Variants in PRKN observed in about 807,000 individuals in gnomAD.
PRKN encodes parkin RBR E3 ubiquitin protein ligase.
In PRKN, 56 loss-of-function variants were observed where a neutral mutation model predicts 59.5. The observed-to-expected ratio is 0.94, with a 90% CI of 0.76 to 1.18. The LOEUF (loss-of-function observed/expected upper bound fraction) is 1.18, where lower values mean the gene tolerates loss of function less well. Ranked by LOEUF, PRKN falls within the 50% of genes most tolerant of loss-of-function variation. PRKN has a pLI of 0.00. For missense variants in PRKN, 657 were observed against 596.4 expected (o/e 1.10, Z -1.06); for synonymous variants, 250 against 222.1 (o/e 1.13, Z -1.12).
At chr6:161,481,617 C>T (rs1218201792) in intron 9 of PRKN, among the ~76,000 whole-genome samples, 1 of 151,596 alleles carries the variant, frequency 6.6e-6, no homozygotes, top group Non-Finnish European at 1.5e-5. Context: ...AACAAAAAAA[C>T]AAAACAAACA....
intron 3 of PRKN, among the ~76,000 whole-genome samples, chr6:162,210,471 G>T (rs1354789449): frequency 2.6e-5 from 4 of 152,070 alleles, no homozygotes; most frequent in African/African-American, 9.7e-5. Context: ...TACTTCCTCA[G>T]GTGGCTACTT....
At chr6:161,625,159 A>G (rs1783039270) in intron 7 of PRKN, among the ~76,000 whole-genome samples, 1 of 152,236 alleles carries the variant, frequency 6.6e-6, no homozygotes, top group African/African-American at 2.4e-5. Context: ...ACTTGGAGAC[A>G]ACCCAAATGT....
In PRKN at chr6:161,361,733, T is replaced by C. The variant is rs1582969584; in HGVS notation, c.1168-1528A>G. On this transcript the variant is annotated intron_variant, in intron 10 of 11. Coordinates refer to ENST00000366898, the MANE Select transcript of PRKN (RefSeq NM_004562.3). The surrounding 1 kb of genome is among the most constrained non-coding windows in gnomAD (Gnocchi z 5.2). ...CCTTGAGAACTGCCAGGGTGTCACG[T>C]GATTTGTGAATACTTTGCTAGAATA... Among the ~76,000 whole-genome samples the C allele has an allele frequency of 6.6e-6, 1 of 152,202 alleles. No homozygotes were observed. Among genetic ancestry groups the C allele is most frequent in the East Asian group, 1.9e-4 (1 of 5,194 alleles).
chr6:162,285,778 A>T (rs1781161487), intron 2 of PRKN, among the ~76,000 whole-genome samples: 1 of 152,134 alleles, frequency 6.6e-6, no homozygotes, highest in African/African-American at 2.4e-5. Context: ...GGCTACACTG[A>T]TTCCTTTTAT....
intron 4 of PRKN, among the ~76,000 whole-genome samples, chr6:162,076,132 C>A (rs143412835): frequency 1.8e-3 from 272 of 152,072 alleles, no homozygotes; most frequent in Non-Finnish European, 2.6e-3. Flanking sequence ...CCACACCCAG[C>A]TAATTTTTGT....
chr6:162,650,821 C>A (rs1778400442), intron 1 of PRKN, among the ~76,000 whole-genome samples: 1 of 152,118 alleles, frequency 6.6e-6, no homozygotes, highest in South Asian at 2.1e-4. Context: ...AGGGAACTCA[C>A]AGTGAAGATG....
chr6:162,658,758 A>AAGTT (rs1305375572), intron 1 of PRKN, among the ~76,000 whole-genome samples: 1 of 152,046 alleles, frequency 6.6e-6, no homozygotes, highest in Non-Finnish European at 1.5e-5. Flanking sequence ...TAAATCATCT[A>AAGTT]CACATCCCAT....
At chr6:162,623,965 T>C (rs1197738737) in intron 1 of PRKN, among the ~76,000 whole-genome samples, 5 of 152,056 alleles carry the variant, frequency 3.3e-5, no homozygotes, top group African/African-American at 4.8e-5. Context: ...AAAACTGAAA[T>C]CTGCCAGGCA....
chr6:161,445,458 C>A lies in PRKN; in HGVS notation c.1084-58581G>T, dbSNP rs544056500. The stretch of plus-strand genomic sequence containing the variant: ...CCCTCCCCTTTCTCCTACACATGGA[C>A]ACCTCTGAGTGGAATAAGGGAAGAC... On this transcript the variant is annotated intron_variant, in intron 9 of 11. Coordinates refer to ENST00000366898, the MANE Select transcript of PRKN (RefSeq NM_004562.3). This position sits in a 1 kb window ranked among gnomAD's most constrained non-coding sequence, Gnocchi z 7.7. Among the ~76,000 whole-genome samples the A allele has an allele frequency of 4.5e-4, 68 of 152,296 alleles. No homozygotes were observed. The highest frequency in any genetic ancestry group is 1.6e-3 in the African/African-American group (66 of 41,568).
At chr6:161,965,924 A>T (rs1384970572) in intron 6 of PRKN, among the ~76,000 whole-genome samples, 1 of 152,040 alleles carries the variant, frequency 6.6e-6, no homozygotes, top group South Asian at 2.1e-4. Context: ...TCCTATTCAG[A>T]TCTTTAAAAA....
intron 1 of PRKN, among the ~76,000 whole-genome samples, chr6:162,528,482 T>A (rs1053083250): frequency 6.6e-6 from 1 of 151,662 alleles, no homozygotes; most frequent in Non-Finnish European, 1.5e-5. Flanking sequence ...AGCCAAGATA[T>A]AAATTACTTA....
chr6:161,477,112 T>G (rs1791122782), intron 9 of PRKN, among the ~76,000 whole-genome samples: 1 of 152,262 alleles, frequency 6.6e-6, no homozygotes, highest in Non-Finnish European at 1.5e-5. Flanking sequence ...ATGCTGTTCC[T>G]GTGTAGTTTC....
chr6:162,052,814 A>T (rs1013820680), intron 5 of PRKN, among the ~76,000 whole-genome samples: 14 of 152,074 alleles, frequency 9.2e-5, no homozygotes, highest in African/African-American at 3.4e-4. Flanking sequence ...GTTTGTACTT[A>T]CAAGTTTATA....
rs553402444 is a variant in PRKN, at chr6:161,401,398, G to A, written c.1084-14521C>T. 6.6e-6 allele frequency among the ~76,000 whole-genome samples: 1 copy of A among 152,224 alleles called. No individual in the cohort carries two copies. The highest frequency in any genetic ancestry group is 1.9e-4 in the East Asian group (1 of 5,162). On this transcript the variant is annotated intron_variant, in intron 9 of 11. Transcript: ENST00000366898. This position sits in a 1 kb window ranked among gnomAD's most constrained non-coding sequence, Gnocchi z 4.4. Reference sequence around the variant, plus strand: ...AGCCAAGGTGGGCAGATCACCTGAGGTTAGGAGTTTGAGACCAGCCTGGCC... The same window carrying A: ...AGCCAAGGTGGGCAGATCACCTGAGATTAGGAGTTTGAGACCAGCCTGGCC...
intron 1 of PRKN, among the ~76,000 whole-genome samples, chr6:162,638,192 CAAT>C (rs1363762910): frequency 6.6e-6 from 1 of 150,784 alleles, no homozygotes; most frequent in Middle Eastern, 3.4e-3. Context: ...AACTGTAAGA[CAAT>C]AATATTATCC....
chr6:162,003,017 T>C (rs112216811), intron 5 of PRKN, among the ~76,000 whole-genome samples: 3,167 of 152,140 alleles, frequency 0.021, 118 homozygotes, highest in African/African-American at 0.073. Context: ...TAAAGGTGGC[T>C]GTTTTATGGC....
At chr6:162,480,468 T>C (rs1284980075) in intron 1 of PRKN, among the ~76,000 whole-genome samples, 1 of 151,838 alleles carries the variant, frequency 6.6e-6, no homozygotes, top group Non-Finnish European at 1.5e-5. Context: ...AGAAACTATT[T>C]CTGAAGGAGA....
intron 4 of PRKN, among the ~76,000 whole-genome samples, chr6:162,090,625 G>A (rs142841527): frequency 1.8e-4 from 28 of 152,118 alleles, no homozygotes; most frequent in African/African-American, 6.0e-4. Context: ...GCTACACAAC[G>A]ACATCAAATA....
At chr6:161,450,835 G>T (rs111227477) in intron 9 of PRKN, among the ~76,000 whole-genome samples, 3 of 152,138 alleles carry the variant, frequency 2.0e-5, no homozygotes, top group African/African-American at 7.2e-5. Context: ...GATTACAGGC[G>T]TGAGCCACCA....
Sources: allele counts gnomAD v4.1 joint callset (sites outside exome capture counted in the v4.1 genomes callset), GRCh38; gene constraint gnomAD v4.1.1; non-coding constraint Gnocchi (gnomAD v3.1); transcripts MANE v1.5; gene names NCBI Gene and HGNC (gene_info 2026-07-23, HGNC 2026-07-21).